UVRAG: variants seen among roughly 807,000 people sequenced by gnomAD.
UVRAG encodes the protein UV radiation resistance associated.
Under a neutral mutation model 78.0 loss-of-function variants are expected in UVRAG, and 19 were observed. That is an observed-to-expected ratio of 0.24 (90% CI 0.17 to 0.36). The LOEUF is 0.36. Among genes scored for constraint, UVRAG ranks in the 10% least tolerant of loss-of-function variants. The pLI is 1.00. For missense variants in UVRAG, 740 were observed against 853.8 expected (o/e 0.87, Z 1.66); for synonymous variants, 323 against 324.6 (o/e 1.00, Z 0.05).
chr11:75,883,137 C>G (rs1423693020), intron 4 of UVRAG, among the ~76,000 whole-genome samples: 1 of 152,048 alleles, frequency 6.6e-6, no homozygotes, highest in African/African-American at 2.4e-5. Context: ...TTGAAAGTAT[C>G]TATATTTCAT....
intron 6 of UVRAG, among the ~76,000 whole-genome samples, chr11:75,941,309 T>G (rs1948478964): frequency 6.6e-6 from 1 of 152,184 alleles, no homozygotes; most frequent in Non-Finnish European, 1.5e-5. Context: ...TCTTTATTAT[T>G]AATTTCCCTG....
At chr11:75,985,849 C>G (rs1253381522) in intron 8 of UVRAG, among the ~76,000 whole-genome samples, 1 of 152,054 alleles carries the variant, frequency 6.6e-6, no homozygotes, top group Non-Finnish European at 1.5e-5. Context: ...GCTTGTAAGT[C>G]TGTTAAGAAC....
intron 6 of UVRAG, among the ~76,000 whole-genome samples, chr11:75,946,750 C>T (rs1948595892): frequency 6.6e-6 from 1 of 152,226 alleles, no homozygotes; most frequent in African/African-American, 2.4e-5. Context: ...ATGTGGCCCA[C>T]TTTATAGGCC....
At chr11:76,013,809 C>G (rs1056552115) in intron 11 of UVRAG, among the ~76,000 whole-genome samples, 2 of 152,050 alleles carry the variant, frequency 1.3e-5, no homozygotes, top group African/African-American at 4.8e-5. Flanking sequence ...ATTGAAATAC[C>G]CTTGGGCCCT....
At chr11:76,135,862 C>T (rs1437651302) in intron 14 of UVRAG, among the ~76,000 whole-genome samples, 2 of 152,182 alleles carry the variant, frequency 1.3e-5, no homozygotes, top group South Asian at 4.1e-4. Flanking sequence ...TACTGTGTTT[C>T]CTAATATGTC....
At chr11:76,091,865 A>G (rs186230968) in intron 13 of UVRAG, among the ~76,000 whole-genome samples, 3 of 151,972 alleles carry the variant, frequency 2.0e-5, no homozygotes, top group Admixed American at 2.0e-4. Context: ...TTTAAGTTCT[A>G]GGGTACATGT....
intron 13 of UVRAG, among the ~76,000 whole-genome samples, chr11:76,108,622 A>T (rs1952014458): frequency 1.3e-5 from 2 of 152,232 alleles, no homozygotes; most frequent in Admixed American, 6.5e-5. Context: ...TTTTATACAA[A>T]AAGGGGGTAT....
chr11:76,065,464 T>A (rs1289587870), intron 12 of UVRAG, among the ~76,000 whole-genome samples: 1 of 152,214 alleles, frequency 6.6e-6, no homozygotes, highest in Non-Finnish European at 1.5e-5. Context: ...GGTGGGTTGG[T>A]CACTTTCTTA....
rs148342371 is a variant in UVRAG at position 75,844,318 on chromosome 11, C to T, written c.118-7565C>T. On this transcript the variant is annotated intron_variant, in intron 1 of 14. Transcript: ENST00000356136. ...TCTCGGCTCACTGCAAGTTCCGCCT[C>T]CTGGGTTCACGCCATTCTCCTGCCT... is the stretch of plus-strand genomic sequence containing the variant. Among the ~76,000 whole-genome samples the T allele has an allele frequency of 4.5e-3, 677 of 151,924 alleles. 3 individuals are homozygous for T. The highest frequency in any genetic ancestry group is 0.015 in the African/African-American group (620 of 41,438).
chr11:75,895,529 C>T (rs1947323588), intron 5 of UVRAG, among the ~76,000 whole-genome samples: 1 of 151,860 alleles, frequency 6.6e-6, no homozygotes, highest in South Asian at 2.1e-4. Context: ...GGATTTTAAT[C>T]CTTTGTTCAG....
intron 13 of UVRAG, among the ~76,000 whole-genome samples, chr11:76,096,366 C>A (rs928034485): frequency 6.6e-6 from 1 of 151,958 alleles, no homozygotes; most frequent in Admixed American, 6.6e-5. Context: ...AAGAGTACGT[C>A]CAAGGGAAGG....
intron 11 of UVRAG, among the ~76,000 whole-genome samples, chr11:76,010,271 T>C (rs923295492): frequency 3.9e-5 from 6 of 152,164 alleles, no homozygotes; most frequent in African/African-American, 7.2e-5. Context: ...AACACCTAAA[T>C]GCCAGGCACA....
At chr11:75,922,669 C>G (rs115158636) in intron 6 of UVRAG, among the ~76,000 whole-genome samples, 1 of 151,924 alleles carries the variant, frequency 6.6e-6, no homozygotes, top group African/African-American at 2.4e-5. Flanking sequence ...AACTATTGGC[C>G]GGGCGTGGTG....
intron 2 of UVRAG, among the ~76,000 whole-genome samples, chr11:75,853,116 T>C (rs1590935043): frequency 2.0e-5 from 3 of 152,158 alleles, no homozygotes; most frequent in African/African-American, 7.2e-5. Flanking sequence ...TCCTACTATG[T>C]TTTTTGGGCT....
intron 12 of UVRAG, among the ~76,000 whole-genome samples, chr11:76,025,502 C>G (rs1429006279): frequency 1.3e-5 from 2 of 152,126 alleles, no homozygotes; most frequent in African/African-American, 4.8e-5. Context: ...TTGAAACTTT[C>G]TGGCCTGCTC....
chr11:75,861,608 A>G, intron 2 of UVRAG, 138 bp from the exon 3 acceptor site: 1 of 582,468 alleles, frequency 1.7e-6, no homozygotes, highest in Non-Finnish European at 3.0e-6. Flanking sequence ...ACAGATAAAG[A>G]TATAGAGAGA....
chr11:75,970,164 T>C (rs1206724032), intron 7 of UVRAG, among the ~76,000 whole-genome samples: 4 of 152,178 alleles, frequency 2.6e-5, no homozygotes, highest in African/African-American at 4.8e-5. Context: ...CACAGACATA[T>C]TCATTTTGGG....
At chr11:75,995,984 G>C (rs554194762) in intron 8 of UVRAG, among the ~76,000 whole-genome samples, 14 of 152,090 alleles carry the variant, frequency 9.2e-5, no homozygotes, top group African/African-American at 3.4e-4. Flanking sequence ...GACAACTTGT[G>C]GCAGGGGTAT....
In UVRAG at chr11:75,899,429, T is replaced by C. The variant is rs563447374; in HGVS notation, c.507+10526T>C. 2.3e-3 allele frequency among the ~76,000 whole-genome samples: 348 copies of C among 152,276 alleles called. 1 individual carries two copies. Among genetic ancestry groups the C allele is most frequent in the Non-Finnish European group, 3.8e-3 (258 of 68,026 alleles). ...ATGAGACACTATGTCAGAAAGGTTA[T>C]GTATTTTTATTTAATTTGTGTATAA... On this transcript the variant is annotated intron_variant, in intron 5 of 14. Transcript: ENST00000356136.
Sources: allele counts gnomAD v4.1 joint callset (sites outside exome capture counted in the v4.1 genomes callset), GRCh38; gene constraint gnomAD v4.1.1; transcripts MANE v1.5; gene names NCBI Gene and HGNC (gene_info 2026-07-23, HGNC 2026-07-21).